The following KMT2E variants were observed in gnomAD, a reference collection of about 807,000 sequenced individuals.
KMT2E encodes the protein histone reader KMT2E.
Under a neutral mutation model 184.6 loss-of-function variants are expected in KMT2E, and 30 were observed. The ratio of observed to expected loss-of-function variants is 0.16; its 90% CI spans 0.12 to 0.22. The LOEUF (loss-of-function observed/expected upper bound fraction) is 0.22. KMT2E is among the 10% of genes least tolerant of loss of function. The probability of loss-of-function intolerance (pLI) is 1.00; values close to 1 mark genes in which losing one functional copy is unlikely to be tolerated. For missense variants in KMT2E, 2,023 were observed against 2,237.4 expected (o/e 0.90, Z 1.93); for synonymous variants, 815 against 776.5 (o/e 1.05, Z -0.82).
intron 26 of KMT2E, among the ~76,000 whole-genome samples, 173 bp from the exon 27 acceptor site, chr7:105,111,652 C>G (rs1205739331): frequency 6.6e-6 from 1 of 152,090 alleles, no homozygotes; most frequent in Non-Finnish European, 1.5e-5. Context: ...TTTGGAACAA[C>G]TGAAAAATAT....
chr7:105,094,110 C>G (rs150919692), intron 15 of KMT2E, among the ~76,000 whole-genome samples: 8 of 152,218 alleles, frequency 5.3e-5, no homozygotes, highest in African/African-American at 1.9e-4. Context: ...AATCATGCAT[C>G]CTAGGATTCC....
intron 6 of KMT2E, among the ~76,000 whole-genome samples, chr7:105,067,072 AAAAAAAAAAAAAG>A (rs1484847012): frequency 1.3e-5 from 2 of 149,340 alleles, no homozygotes; most frequent in African/African-American, 4.9e-5. Context: ...TTTTTAAAAA[AAAAAAAAAAAAAG>A]AAAAAGAAAA....
At chr7:105,055,283 G>T (rs142147641) in intron 3 of KMT2E, among the ~76,000 whole-genome samples, 2 of 147,098 alleles carry the variant, frequency 1.4e-5, no homozygotes, top group African/African-American at 5.0e-5. Context: ...AAACTCTTGA[G>T]CTTAAGTGAT....
chr7:105,113,557 G>GTTTT lies in KMT2E; in HGVS notation c.*228_*231dup. The GTTTT allele has an allele frequency of 2.6e-6, 1 of 377,846 alleles. No individual in the cohort carries two copies. The highest frequency in any genetic ancestry group is 2.2e-5 in the African/African-American group (1 of 46,110). The allele number at this position is 377,846 out of a possible 1,614,324, so 23.4% of individuals were successfully genotyped here. A position where few individuals can be genotyped will look rare whatever the true frequency, so the allele number is the denominator to read the frequency against. The stretch of plus-strand genomic sequence containing the variant: ...TATTTTGTAAGTGAACATTCCAGCT[G>GTTTT]TTTTTTTCTGGCAGATCTGATGCTG... On this transcript the variant is annotated 3_prime_UTR_variant, in exon 27 of 27. Transcript: ENST00000311117.
chr7:105,080,352 G>A (rs1032870133), intron 12 of KMT2E, among the ~76,000 whole-genome samples: 5 of 149,928 alleles, frequency 3.3e-5, no homozygotes, highest in African/African-American at 9.8e-5. Flanking sequence ...TTTTAGTTTT[G>A]TAATTATATA....
intron 3 of KMT2E, among the ~76,000 whole-genome samples, chr7:105,042,577 A>G (rs1242713519): frequency 6.6e-6 from 1 of 152,210 alleles, no homozygotes; most frequent in East Asian, 1.9e-4. Flanking sequence ...TAAAAGGTAG[A>G]GTTAGGTTTG....
intron 15 of KMT2E, among the ~76,000 whole-genome samples, chr7:105,095,689 AGT>A (rs1247460423): frequency 6.6e-6 from 1 of 152,142 alleles, no homozygotes; most frequent in Admixed American, 6.5e-5. Context: ...TTTGTGGCTA[AGT>A]TATGTGGAAC....
chr7:105,107,422 G>C lies in KMT2E; in HGVS notation c.2965G>C (p.Glu989Gln), dbSNP rs754084381. Reference protein sequence around the residue: ...LGPFRNSNLTELGLQEIKTIG... With the variant: ...LGPFRNSNLTQLGLQEIKTIG... ...GCCTTTTAGAAATTCTAATTTAACT[G>C]AACTGGGTCTGCAAGAAATAAAGAC... Residue 989 changes from glutamate to glutamine, a missense_variant, in exon 22 of 27, where the codon GAA (glutamate) becomes CAA (glutamine). Physicochemically the swap from Glu to Gln is conservative, Grantham distance 29. This residue lies in a region of KMT2E where 514 missense variants were observed against 621.8 expected (regional missense o/e 0.83). Transcript: ENST00000311117. 9 of 1,612,422 alleles carry C rather than the reference G, an allele frequency of 5.6e-6. No individual in the cohort carries two copies. The highest frequency in any genetic ancestry group is 7.6e-6 in the Non-Finnish European group (9 of 1,179,454).
At chr7:105,110,957 TGTATCAA>T (rs1253651406) in intron 26 of KMT2E, 89 bp downstream of exon 26, 2 of 872,628 alleles carry the variant, frequency 2.3e-6, no homozygotes, top group Non-Finnish European at 3.8e-6. Context: ...GTTTTTCTGC[TGTATCAA>T]GTATCAACTT....
chr7:105,031,221 G>C lies in KMT2E; in HGVS notation c.-188-6905G>C, dbSNP rs186627345. On this transcript the variant is annotated intron_variant, in intron 1 of 26. Coordinates refer to ENST00000311117, the MANE Select transcript of KMT2E (RefSeq NM_182931.3). Reference sequence around the variant, plus strand: ...AAAACATAAAAAATTATCCAGGCGTGGTGGCAGATACCTGTGATCGAGGTA... The same window carrying C: ...AAAACATAAAAAATTATCCAGGCGTCGTGGCAGATACCTGTGATCGAGGTA... 4.1e-3 allele frequency among the ~76,000 whole-genome samples: 621 copies of C among 151,788 alleles called. 3 individuals carry two copies. The highest frequency in any genetic ancestry group is 6.9e-3 in the Middle Eastern group (2 of 290).
intron 1 of KMT2E, among the ~76,000 whole-genome samples, chr7:105,028,309 C>G (rs1209306751): frequency 6.6e-6 from 1 of 152,014 alleles, no homozygotes; most frequent in East Asian, 1.9e-4. Flanking sequence ...GGTGGGACCA[C>G]AGGCATGGGC....
At chr7:105,068,257 TTTC>T (rs1156342438) in intron 6 of KMT2E, among the ~76,000 whole-genome samples, 2 of 152,064 alleles carry the variant, frequency 1.3e-5, no homozygotes. Context: ...TTAGGTTCAA[TTTC>T]TTTTTTTTTT....
At chr7:105,030,724 C>G (rs74967081) in intron 1 of KMT2E, among the ~76,000 whole-genome samples, 1,767 of 152,232 alleles carry the variant, frequency 0.012, 35 homozygotes, top group African/African-American at 0.04. Flanking sequence ...GGCCTAGGAA[C>G]CTATCATTTT....
intron 15 of KMT2E, among the ~76,000 whole-genome samples, chr7:105,094,790 C>T (rs979939874): frequency 3.3e-5 from 5 of 152,174 alleles, no homozygotes; most frequent in African/African-American, 1.2e-4. Context: ...ATTCACATAA[C>T]TGTCATTACA....
At chr7:105,111,643 T>C (rs1799285669) in intron 26 of KMT2E, among the ~76,000 whole-genome samples, 182 bp from the exon 27 acceptor site, 1 of 152,156 alleles carries the variant, frequency 6.6e-6, no homozygotes, top group Non-Finnish European at 1.5e-5. Context: ...TCATAACTTT[T>C]TGGAACAACT....
intron 14 of KMT2E, 27 bp from the exon 15 acceptor site, chr7:105,091,189 T>C (rs1319022582): frequency 9.6e-7 from 1 of 1,036,802 alleles, no homozygotes; most frequent in East Asian, 2.4e-5. Flanking sequence ...TAATAGTTTG[T>C]ATAAAGAAGT....
At chr7:105,051,129 C>G (rs772141595) in intron 3 of KMT2E, among the ~76,000 whole-genome samples, 13 of 148,600 alleles carry the variant, frequency 8.7e-5, no homozygotes, top group Non-Finnish European at 1.8e-4. Flanking sequence ...TCCTCCTTTC[C>G]TCTCTTCCTC....
Position 105,059,988 on chromosome 7 carries a change from T to TG in KMT2E, c.72-2176_72-2175insG, listed in dbSNP as rs1463244314. Among the ~76,000 whole-genome samples, 5 of 64,384 alleles carry TG rather than the reference T, an allele frequency of 7.8e-5. No homozygotes were observed. The East Asian group carries it at 3.5e-3, about 45-fold the overall frequency. 42.2% of individuals were successfully genotyped at this position (64,384 alleles called of 152,430 possible). A position where few individuals can be genotyped will look rare whatever the true frequency, so the allele number is the denominator to read the frequency against. On this transcript the variant is annotated intron_variant, in intron 3 of 26. Transcript: ENST00000311117. ...GATTTTCTTGTTGTTGTTTTTTTTT[T>TG]TTTTTTTTTTTTTTTTTTTTTTTGG...
chr7:105,048,702 C>A (rs1796208153), intron 3 of KMT2E, among the ~76,000 whole-genome samples: 1 of 152,178 alleles, frequency 6.6e-6, no homozygotes, highest in East Asian at 1.9e-4. Context: ...TTAAGACTTG[C>A]AATGATATGG....
Sources: gnomAD v4.1 joint callset for allele counts (sites outside exome capture counted in the v4.1 genomes callset) on GRCh38, gnomAD v4.1.1 for gene constraint, gnomAD v4.1.1 regional missense constraint, MANE v1.5 for transcripts, NCBI Gene and HGNC (gene_info 2026-07-23, HGNC 2026-07-21) for gene names.